Variants in DSCAM observed in about 807,000 individuals in gnomAD.
DSCAM encodes cell adhesion molecule DSCAM.
In DSCAM, 47 loss-of-function variants were observed where a neutral mutation model predicts 217.7. The observed-to-expected ratio is 0.22, with a 90% CI of 0.17 to 0.28. DSCAM has a LOEUF of 0.28. Ranked by LOEUF, DSCAM falls within the 10% of genes least tolerant of loss-of-function variation. The pLI is 1.00. For missense variants in DSCAM, 2,080 were observed against 2,618.3 expected (o/e 0.79, Z 4.49); for synonymous variants, 1,056 against 1,015.3 (o/e 1.04, Z -0.76).
chr21:40,681,124 A>G (rs2090395858), intron 3 of DSCAM, among the ~76,000 whole-genome samples: 2 of 152,262 alleles, frequency 1.3e-5, no homozygotes, highest in Non-Finnish European at 2.9e-5. Context: ...TGGGAAACTG[A>G]TGAGTCGTTT....
intron 3 of DSCAM, among the ~76,000 whole-genome samples, chr21:40,373,083 A>T (rs2074915023): frequency 6.6e-6 from 1 of 152,158 alleles, no homozygotes; most frequent in Non-Finnish European, 1.5e-5. Context: ...CGCAAAAAAC[A>T]CTCATAGAGC....
chr21:40,804,854 T>G (rs2091771688), intron 1 of DSCAM, among the ~76,000 whole-genome samples: 1 of 152,142 alleles, frequency 6.6e-6, no homozygotes, highest in Admixed American at 6.5e-5. Flanking sequence ...AGCTCCAGAC[T>G]TAACTTCCCG....
intron 6 of DSCAM, among the ~76,000 whole-genome samples, chr21:40,340,316 T>G (rs1167297499): frequency 6.6e-6 from 1 of 152,224 alleles, no homozygotes; most frequent in Non-Finnish European, 1.5e-5. Context: ...TATGTTTACA[T>G]AGATCAAATT....
intron 30 of DSCAM, among the ~76,000 whole-genome samples, chr21:40,049,587 C>T (rs575874085): frequency 3.5e-3 from 531 of 152,316 alleles, no homozygotes; most frequent in Middle Eastern, 0.01. Context: ...AAATGAATGT[C>T]TTTTTGCATC....
At position 40,143,329 on chromosome 21, in the gene DSCAM, C is replaced by T. The variant is rs2090315032; in HGVS notation, c.3260-625G>A. 3.9e-5 allele frequency among the ~76,000 whole-genome samples: 6 copies of T among 152,172 alleles called. No individual in the cohort carries two copies. In the South Asian group the frequency reaches 1.0e-3, roughly 26 times the overall value. Reference sequence around the variant, plus strand: ...GCGGTGCAAAATACTGGCTGAGACACGCATCTTAATGAAAAATGAGCATTG... The same window carrying T: ...GCGGTGCAAAATACTGGCTGAGACATGCATCTTAATGAAAAATGAGCATTG... On this transcript the variant is annotated intron_variant, in intron 17 of 32. Transcript: ENST00000400454.
chr21:40,190,771 C>T lies in DSCAM; in HGVS notation c.2357-1533G>A, dbSNP rs75358236. ...TGCACCCAGATAAAGCCCTGCTGGC[C>T]GTGAGCTCACAAACTGAAACTAAAG... On this transcript the variant is annotated intron_variant, in intron 11 of 32. Coordinates refer to ENST00000400454, the MANE Select transcript of DSCAM (RefSeq NM_001389.5). Among the ~76,000 whole-genome samples, 265 of 152,250 alleles carry T rather than the reference C, an allele frequency of 1.7e-3. 5 individuals are homozygous for T. The East Asian group carries it at 0.037, about 21-fold the overall frequency.
intron 5 of DSCAM, among the ~76,000 whole-genome samples, chr21:40,350,817 T>C (rs1027859808): frequency 3.3e-5 from 5 of 151,418 alleles, no homozygotes; most frequent in Non-Finnish European, 7.4e-5. Flanking sequence ...CCCTGAGATT[T>C]TGGAATTAAA....
chr21:40,692,273 T>C (rs913927889), intron 3 of DSCAM, among the ~76,000 whole-genome samples: 4 of 152,252 alleles, frequency 2.6e-5, no homozygotes, highest in African/African-American at 9.6e-5. Flanking sequence ...TTTTGTCTTT[T>C]CTACACACCA....
intron 11 of DSCAM, among the ~76,000 whole-genome samples, chr21:40,222,506 C>T (rs779703169): frequency 1.3e-5 from 2 of 152,168 alleles, no homozygotes; most frequent in Non-Finnish European, 2.9e-5. Context: ...TCTGAAAATG[C>T]TATTAAGCTT....
intron 3 of DSCAM, among the ~76,000 whole-genome samples, chr21:40,687,162 G>C (rs917401082): frequency 6.6e-6 from 1 of 152,100 alleles, no homozygotes; most frequent in Non-Finnish European, 1.5e-5. Context: ...GATGATAACA[G>C]ACAGAAAAAT....
At chr21:40,517,451 T>C (rs940167387) in intron 3 of DSCAM, among the ~76,000 whole-genome samples, 1 of 141,910 alleles carries the variant, frequency 7.0e-6, no homozygotes, top group African/African-American at 2.7e-5. Context: ...ACGCATATTT[T>C]CTTCTGGGAC....
At chr21:40,136,979 C>G (rs919979652) in intron 18 of DSCAM, among the ~76,000 whole-genome samples, 1 of 151,894 alleles carries the variant, frequency 6.6e-6, no homozygotes, top group African/African-American at 2.4e-5. Flanking sequence ...TCGAGACCAT[C>G]CTGGCTAACA....
intron 11 of DSCAM, among the ~76,000 whole-genome samples, chr21:40,196,806 C>G (rs1275259559): frequency 6.6e-6 from 1 of 152,054 alleles, no homozygotes; most frequent in Non-Finnish European, 1.5e-5. Flanking sequence ...CCATATACTG[C>G]ATAAGTATTT....
At chr21:40,399,316 G>A (rs1245065432) in intron 3 of DSCAM, among the ~76,000 whole-genome samples, 1 of 146,328 alleles carries the variant, frequency 6.8e-6, no homozygotes. Context: ...CAAAACATAG[G>A]AGTCCAAAGA....
intron 20 of DSCAM, among the ~76,000 whole-genome samples, chr21:40,110,303 C>G (rs1400951256): frequency 6.6e-6 from 1 of 152,204 alleles, no homozygotes; most frequent in African/African-American, 2.4e-5. Context: ...CCCAGGCAAA[C>G]AGGGTCTGGA....
At chr21:40,046,551 T>C (rs1189257344) in intron 30 of DSCAM, among the ~76,000 whole-genome samples, 1 of 152,196 alleles carries the variant, frequency 6.6e-6, no homozygotes, top group East Asian at 1.9e-4. Flanking sequence ...AAAAACATTA[T>C]GATGGGGAAG....
At chr21:40,292,951 T>C (rs2073912126) in intron 10 of DSCAM, among the ~76,000 whole-genome samples, 1 of 152,252 alleles carries the variant, frequency 6.6e-6, no homozygotes, top group African/African-American at 2.4e-5. Context: ...TTAGCCAGGA[T>C]GGTCTTGATC....
intron 3 of DSCAM, among the ~76,000 whole-genome samples, chr21:40,564,128 G>T (rs1300569097): frequency 6.6e-6 from 1 of 152,190 alleles, no homozygotes; most frequent in African/African-American, 2.4e-5. Context: ...TGCTTGGTCA[G>T]CAGTCCTAAA....
In DSCAM at chr21:40,347,945, T is replaced by C; in HGVS notation, c.935A>G (p.Gln312Arg). Residue 312 changes from glutamine to arginine, a missense_variant and splice_region_variant, in exon 6 of 33, where the codon CAG (glutamine) becomes CGG (arginine). Physicochemically the swap from Gln to Arg is conservative, Grantham distance 43. Coordinates refer to ENST00000400454, the MANE Select transcript of DSCAM (RefSeq NM_001389.5). Reference protein sequence around the residue: ...AKVIGRLYVKQPLKATISPRK... With the variant: ...AKVIGRLYVKRPLKATISPRK... ...GGGACTGATGGTGGCTTTCAGTGGC[T>C]CTGGAGGTTTTAGTAAGAGAGAGAG... 6.2e-7 allele frequency: 1 copy of C among 1,609,800 alleles called. No individual in the cohort carries two copies. The highest frequency in any genetic ancestry group is 8.5e-7 in the Non-Finnish European group (1 of 1,177,186).
Sources: allele counts gnomAD v4.1 joint callset (sites outside exome capture counted in the v4.1 genomes callset), GRCh38; gene constraint gnomAD v4.1.1; transcripts MANE v1.5; gene names NCBI Gene and HGNC (gene_info 2026-07-23, HGNC 2026-07-21).